DOCK4: variants seen among roughly 807,000 people sequenced by gnomAD.
The protein encoded by DOCK4 is dedicator of cytokinesis protein 4.
Under a neutral mutation model 268.1 loss-of-function variants are expected in DOCK4, and 97 were observed. That is an observed-to-expected ratio of 0.36 (90% confidence interval 0.31 to 0.43). The LOEUF is 0.43. DOCK4 is among the 20% of genes least tolerant of loss of function. The pLI, the probability that DOCK4 is intolerant of heterozygous loss-of-function variation, is 1.00. For missense variants in DOCK4, 2,145 were observed against 2,455.7 expected (o/e 0.87, Z 2.67); for synonymous variants, 954 against 887.2 (o/e 1.08, Z -1.34).
chr7:111,817,786 A>G (rs1801667979), intron 27 of DOCK4, among the ~76,000 whole-genome samples: 1 of 152,310 alleles, frequency 6.6e-6, no homozygotes, highest in Non-Finnish European at 1.5e-5. Context: ...AAGGAATCCC[A>G]GTCCTCACAT....
Position 111,844,860 on chromosome 7 carries a change from G to A in DOCK4, c.2639C>T (p.Ala880Val), listed in dbSNP as rs1803969279. The change falls in exon 25 of 53, where the codon GCC becomes GTC. Residue 880 changes from alanine to valine, a missense_variant. Around this residue, in one of 2 missense-constraint regions of DOCK4, gnomAD observed 1,598 missense variants for 1,986.7 expected, o/e 0.80. Transcript: ENST00000428084. ...SVLEEIDVIV[A>V]SLLDILLRTI... ...CCTCAGCAGAATATCCAGCAAGCTG[G>A]CCACTATCACATCTATTTCCTCCAG... The A allele has an allele frequency of 1.2e-6, 2 of 1,613,294 alleles. No individual in the cohort carries two copies. The highest frequency in any genetic ancestry group is 1.7e-6 in the Non-Finnish European group (2 of 1,179,548).
At chr7:111,784,069 G>A (rs1341016319) in intron 33 of DOCK4, 28 bp downstream of exon 33, 3 of 1,580,134 alleles carry the variant, frequency 1.9e-6, no homozygotes, top group Non-Finnish European at 2.6e-6. Flanking sequence ...CATCTCACAA[G>A]TAGCACAATT....
intron 32 of DOCK4, 142 bp from the exon 33 acceptor site, chr7:111,784,265 A>T: frequency 1.1e-6 from 1 of 952,012 alleles, no homozygotes; most frequent in Non-Finnish European, 1.6e-6. Flanking sequence ...TCTCCCTTAC[A>T]CTAACAGAGG....
intron 6 of DOCK4, among the ~76,000 whole-genome samples, chr7:111,986,579 C>T (rs895289744): frequency 1.3e-5 from 2 of 152,064 alleles, no homozygotes; most frequent in African/African-American, 2.4e-5. Context: ...ACAGGGAGAG[C>T]GTCATGTTTT....
At chr7:112,107,963 A>G (rs1042346480) in intron 1 of DOCK4, among the ~76,000 whole-genome samples, 11 of 152,248 alleles carry the variant, frequency 7.2e-5, no homozygotes, top group African/African-American at 2.4e-4. Context: ...CCCATAAAAG[A>G]GAAATCATCA....
chr7:112,066,690 CATATAT>C (rs751631282), intron 1 of DOCK4, among the ~76,000 whole-genome samples: 1,003 of 20,340 alleles, frequency 0.049, 9 homozygotes, highest in East Asian at 0.091. Context: ...TATACATATA[CATATAT>C]ATATATATAT....
In DOCK4 at chr7:112,193,462, G is replaced by A. The variant is rs531962235; in HGVS notation, c.37+12640C>T. 2.0e-5 allele frequency among the ~76,000 whole-genome samples: 3 copies of A among 151,746 alleles called. No homozygotes were observed. The South Asian group carries it at 6.3e-4, about 32-fold the overall frequency. On this transcript the variant is annotated intron_variant, in intron 1 of 52. Transcript: ENST00000428084. ...AATGAAAATAAAAATAGCCAGGTGTGGTGGTGCATGCCTATAGTCCCAACT... is the reference window on the plus strand; with the variant it reads ...AATGAAAATAAAAATAGCCAGGTGTAGTGGTGCATGCCTATAGTCCCAACT...
chr7:111,870,399 C>T (rs1004029549), intron 20 of DOCK4, among the ~76,000 whole-genome samples: 2 of 149,546 alleles, frequency 1.3e-5, no homozygotes, highest in Non-Finnish European at 3.0e-5. Flanking sequence ...CTCACCGCAA[C>T]CTCTGCCGCC....
Position 112,010,023 on chromosome 7 carries a change from C to T in DOCK4, c.38-5892G>A, listed in dbSNP as rs184455380. On this transcript the variant is annotated intron_variant, in intron 1 of 52. Coordinates refer to ENST00000428084, the MANE Select transcript of DOCK4 (RefSeq NM_001363540.2). ...GTAGAGATGGGGTTTCGCCATATTGCTCAGGCTGGTCTCAAACTCCTGAGC... is the reference window on the plus strand; with the variant it reads ...GTAGAGATGGGGTTTCGCCATATTGTTCAGGCTGGTCTCAAACTCCTGAGC... 2.6e-5 allele frequency among the ~76,000 whole-genome samples: 4 copies of T among 152,252 alleles called. No individual in the cohort carries two copies. The East Asian group carries it at 7.8e-4, about 30-fold the overall frequency.
At chr7:111,833,650 T>C (rs1171368439) in intron 26 of DOCK4, among the ~76,000 whole-genome samples, 1 of 152,218 alleles carries the variant, frequency 6.6e-6, no homozygotes, top group African/African-American at 2.4e-5. Flanking sequence ...CTTTGTTTTA[T>C]ATGACTCAGC....
At chr7:112,002,562 G>A (rs62474284) in intron 2 of DOCK4, among the ~76,000 whole-genome samples, 1 of 152,184 alleles carries the variant, frequency 6.6e-6, no homozygotes, top group South Asian at 2.1e-4. Flanking sequence ...GATATCACCA[G>A]CATCTAATGC....
In DOCK4 at chr7:111,863,498, C is replaced by T; in HGVS notation, c.2347G>A (p.Val783Ile). The T allele has an allele frequency of 6.2e-6, 10 of 1,613,912 alleles. No individual in the cohort carries two copies. Among genetic ancestry groups the T allele is most frequent in the Non-Finnish European group, 7.6e-6 (9 of 1,179,854 alleles). The change falls in exon 23 of 53, where the codon GTA becomes ATA. Residue 783 changes from valine to isoleucine, a missense_variant. Physicochemically the swap from Val to Ile is conservative, Grantham distance 29. This residue lies in a region of DOCK4 where 1,598 missense variants were observed against 1,986.7 expected (regional missense o/e 0.80). Transcript: ENST00000428084. ...ELLKLFDVRE[V>I]ANLVQDTLGS... The stretch of plus-strand genomic sequence containing the variant: ...AGGGTGTCCTGGACCAAGTTGGCTA[C>T]TTCCCGGACATCAAAGAGCTTCAAC...
chr7:112,082,789 GA>G (rs1808721750), intron 1 of DOCK4, among the ~76,000 whole-genome samples: 1 of 152,086 alleles, frequency 6.6e-6, no homozygotes, highest in South Asian at 2.1e-4. Context: ...TTTTATATCA[GA>G]AACAACTGAG....
chr7:111,960,035 T>A (rs1302348205), intron 8 of DOCK4, among the ~76,000 whole-genome samples: 1 of 152,112 alleles, frequency 6.6e-6, no homozygotes, highest in East Asian at 1.9e-4. Context: ...ATTATTTATA[T>A]ATTTTTAACA....
chr7:111,748,123 T>C (rs1796394392), intron 42 of DOCK4, among the ~76,000 whole-genome samples: 1 of 152,202 alleles, frequency 6.6e-6, no homozygotes, highest in Non-Finnish European at 1.5e-5. Flanking sequence ...TGTATGTCAT[T>C]GGGACTGCTA....
intron 1 of DOCK4, among the ~76,000 whole-genome samples, chr7:112,149,428 G>A (rs1298413356): frequency 1.3e-5 from 2 of 151,856 alleles, no homozygotes. Flanking sequence ...CGCCAACATG[G>A]GTCTGATAAC....
intron 1 of DOCK4, among the ~76,000 whole-genome samples, chr7:112,032,882 C>G (rs547923650): frequency 1.3e-5 from 2 of 152,070 alleles, no homozygotes; most frequent in African/African-American, 4.8e-5. Flanking sequence ...AAAAAGACAT[C>G]CTAATCTCTG....
chr7:112,054,181 AC>A (rs1434592378), intron 1 of DOCK4, among the ~76,000 whole-genome samples: 1 of 151,952 alleles, frequency 6.6e-6, no homozygotes, highest in Non-Finnish European at 1.5e-5. Context: ...TAAAATAAAA[AC>A]CAAAGTAACA....
intron 8 of DOCK4, among the ~76,000 whole-genome samples, chr7:111,952,096 A>T (rs1796099163): frequency 6.6e-6 from 1 of 151,892 alleles, no homozygotes; most frequent in Non-Finnish European, 1.5e-5. Context: ...TGTCTGCGAA[A>T]AAAAAAAAAA....
Sources: allele counts gnomAD v4.1 joint callset (sites outside exome capture counted in the v4.1 genomes callset), GRCh38; gene constraint gnomAD v4.1.1; regional missense constraint gnomAD v4.1.1; transcripts MANE v1.5; gene names NCBI Gene and HGNC (gene_info 2026-07-23, HGNC 2026-07-21).